FBLN5: variants seen among roughly 807,000 people sequenced by gnomAD.
The protein encoded by FBLN5 is fibulin 5, also known as fibulin-5.
Under a neutral mutation model 61.6 loss-of-function variants are expected in FBLN5, and 24 were observed. That is an observed-to-expected ratio of 0.39 (90% CI 0.28 to 0.55). The LOEUF (loss-of-function observed/expected upper bound fraction) is 0.55, where lower values mean the gene tolerates loss of function less well. Ranked by LOEUF, FBLN5 falls within the 20% of genes least tolerant of loss-of-function variation. The probability of loss-of-function intolerance (pLI) is 0.65; values close to 1 mark genes in which losing one functional copy is unlikely to be tolerated. For missense variants in FBLN5, 470 were observed against 594.1 expected, an observed-to-expected ratio of 0.79 and a Z score of 2.17; for synonymous variants, 213 against 219.8, an observed-to-expected ratio of 0.97 and a Z score of 0.27.
chr14:91,921,677 G>A (rs1423221211), intron 4 of FBLN5, among the ~76,000 whole-genome samples: 1 of 152,190 alleles, frequency 6.6e-6, no homozygotes, highest in Admixed American at 6.5e-5. Context: ...AGTAACTGCG[G>A]TGTAATTTCA....
intron 4 of FBLN5, among the ~76,000 whole-genome samples, chr14:91,899,033 A>G (rs1312764989): frequency 6.6e-6 from 1 of 151,524 alleles, no homozygotes; most frequent in Non-Finnish European, 1.5e-5. Context: ...CTATCTCCTG[A>G]CCTCGTGATC....
In FBLN5 at chr14:91,882,483, A is replaced by G. The variant is rs1247611707; in HGVS notation, c.862+471T>C. ...TACAGTCTGGGGTCCCAGCCCTTGC[A>G]GGAACAGAGCAGTCAGGTGCATGAG... is the stretch of plus-strand genomic sequence containing the variant. On this transcript the variant is annotated intron_variant, in intron 8 of 10. Coordinates refer to ENST00000342058, the MANE Select transcript of FBLN5 (RefSeq NM_006329.4). The surrounding 1 kb of genome is among the most constrained non-coding windows in gnomAD (Gnocchi z 4.9). Among the ~76,000 whole-genome samples, 1 of 152,212 alleles carries G rather than the reference A, an allele frequency of 6.6e-6. No individual in the cohort carries two copies. The highest frequency in any genetic ancestry group is 1.5e-5 in the Non-Finnish European group (1 of 68,030).
At chr14:91,921,902 G>A (rs1293373392) in intron 4 of FBLN5, among the ~76,000 whole-genome samples, 1 of 152,208 alleles carries the variant, frequency 6.6e-6, no homozygotes, top group East Asian at 1.9e-4. Context: ...CACGTCGTGG[G>A]ATGGCCTAAA....
At chr14:91,935,404 C>A (rs1005289371) in intron 4 of FBLN5, among the ~76,000 whole-genome samples, 6 of 152,224 alleles carry the variant, frequency 3.9e-5, no homozygotes, top group Non-Finnish European at 8.8e-5. Flanking sequence ...CCGCAGAGTG[C>A]CTCGAAAGAA....
intron 4 of FBLN5, among the ~76,000 whole-genome samples, chr14:91,922,197 G>T (rs1310372322): frequency 6.6e-6 from 1 of 151,994 alleles, no homozygotes; most frequent in Non-Finnish European, 1.5e-5. Flanking sequence ...GGAGGCTGAG[G>T]CATGAGAATC....
intron 9 of FBLN5, among the ~76,000 whole-genome samples, chr14:91,880,526 C>CGTGTGT (rs140201135): frequency 0.019 from 2,800 of 147,520 alleles, 33 homozygotes; most frequent in Non-Finnish European, 0.023. Flanking sequence ...AGTGTGCGTG[C>CGTGTGT]GTGTGTGTGT....
chr14:91,898,707 G>A (rs2430363), intron 4 of FBLN5, among the ~76,000 whole-genome samples: 95,640 of 151,544 alleles, frequency 0.63, 30,474 homozygotes, highest in Admixed American at 0.75. Flanking sequence ...TTCCTGTGCA[G>A]TAGTCAGGAA....
chr14:91,886,201 A>G (rs933170120), intron 7 of FBLN5, among the ~76,000 whole-genome samples: 2 of 152,254 alleles, frequency 1.3e-5, no homozygotes, highest in African/African-American at 4.8e-5. Context: ...TTGAAAGCAC[A>G]GTGAAGCATT....
intron 4 of FBLN5, among the ~76,000 whole-genome samples, chr14:91,931,125 T>C (rs932316968): frequency 1.3e-5 from 2 of 152,198 alleles, no homozygotes; most frequent in Admixed American, 6.5e-5. Flanking sequence ...ACCCCCGTCC[T>C]CACAGGTAGG....
At chr14:91,876,605 G>A (rs771426603) in intron 10 of FBLN5, among the ~76,000 whole-genome samples, 4 of 152,166 alleles carry the variant, frequency 2.6e-5, no homozygotes, top group African/African-American at 9.7e-5. Flanking sequence ...GGAGGAAGAG[G>A]AGGCAGCGTG....
At chr14:91,944,801 G>A (rs559101980) in intron 1 of FBLN5, among the ~76,000 whole-genome samples, 3 of 152,240 alleles carry the variant, frequency 2.0e-5, no homozygotes, top group Non-Finnish European at 4.4e-5. Flanking sequence ...CTTAGTGGGA[G>A]GGGAAGATGG....
At chr14:91,945,206 G>A (rs1412072307) in intron 1 of FBLN5, among the ~76,000 whole-genome samples, 3 of 151,486 alleles carry the variant, frequency 2.0e-5, no homozygotes, top group African/African-American at 4.9e-5. Context: ...ATTCCAGCCC[G>A]GGAGACAGCG....
intron 10 of FBLN5, chr14:91,874,618 T>C (rs944459306): frequency 3.3e-5 from 5 of 152,152 alleles, no homozygotes; most frequent in Admixed American, 2.6e-4. Flanking sequence ...AAAACCATCC[T>C]ATATCATAGG....
chr14:91,908,956 C>A (rs72705351), intron 4 of FBLN5, among the ~76,000 whole-genome samples: 2 of 151,512 alleles, frequency 1.3e-5, no homozygotes, highest in Admixed American at 1.3e-4. Flanking sequence ...TCTCACTCGT[C>A]GCTCAGGCTG....
chr14:91,939,534 G>A (rs1444817621), intron 3 of FBLN5, among the ~76,000 whole-genome samples: 1 of 151,942 alleles, frequency 6.6e-6, no homozygotes, highest in African/African-American at 2.4e-5. Context: ...TAGAGACAGG[G>A]TTTCACCATG....
In FBLN5 at chr14:91,943,071, A is replaced by G; in HGVS notation, c.18-110T>C. The G allele has an allele frequency of 2.6e-6, 2 of 771,572 alleles. No individual in the cohort carries two copies. The highest frequency in any genetic ancestry group is 2.9e-5 in the South Asian group (2 of 68,308). The allele number at this position is 771,572 out of a possible 1,614,324, so 47.8% of individuals were successfully genotyped here. A position where few individuals can be genotyped will look rare whatever the true frequency, so the allele number is the denominator to read the frequency against. On this transcript the variant is annotated intron_variant, in intron 1 of 10. Transcript: ENST00000342058. The surrounding 1 kb of genome is among the most constrained non-coding windows in gnomAD (Gnocchi z 4.0). ...AACGGTGATATCACCTTGGGCTTGT[A>G]TGGGGTGGGGTGTGCTCCAGGGAGG... is the stretch of plus-strand genomic sequence containing the variant.
intron 9 of FBLN5, chr14:91,877,932 G>A (rs1381401025): frequency 3.4e-6 from 2 of 596,134 alleles, no homozygotes; most frequent in Non-Finnish European, 6.3e-6. Flanking sequence ...ACAAACCTTA[G>A]ATCTCTGGTT....
rs1374581353 is a variant in FBLN5 at position 91,937,876 on chromosome 14, A to G, written c.125-675T>C. Among the ~76,000 whole-genome samples the G allele has an allele frequency of 2.0e-5, 3 of 152,234 alleles. No homozygotes were observed. The South Asian group carries it at 6.2e-4, about 32-fold the overall frequency. ...AACAAACCTGTACTATCATTTGCACATACTCTTTCTTTAAGTAAGCCCATA... is the reference window on the plus strand; with the variant it reads ...AACAAACCTGTACTATCATTTGCACGTACTCTTTCTTTAAGTAAGCCCATA... On this transcript the variant is annotated intron_variant, in intron 3 of 10. Coordinates refer to ENST00000342058, the MANE Select transcript of FBLN5 (RefSeq NM_006329.4).
chr14:91,946,698 A>G (rs75495358), intron 1 of FBLN5: 18,890 of 1,533,358 alleles, frequency 0.012, 539 homozygotes, highest in East Asian at 0.09. Flanking sequence ...AGAATAGCAA[A>G]ACATTTGCTT....
Sources: allele counts gnomAD v4.1 joint callset (sites outside exome capture counted in the v4.1 genomes callset), GRCh38; gene constraint gnomAD v4.1.1; non-coding constraint Gnocchi (gnomAD v3.1); transcripts MANE v1.5; gene names NCBI Gene and HGNC (gene_info 2026-07-23, HGNC 2026-07-21).